Variants in SLC30A6 observed in about 807,000 individuals in gnomAD.
SLC30A6 encodes zinc transporter 6.
Under a neutral mutation model 63.0 loss-of-function variants are expected in SLC30A6, and 55 were observed. That is an observed-to-expected ratio of 0.87 (90% CI 0.70 to 1.09). SLC30A6 has a LOEUF of 1.09. Ranked by LOEUF, SLC30A6 falls within the 50% of genes least tolerant of loss-of-function variation. The pLI is 0.00. For missense variants in SLC30A6, 587 were observed against 549.2 expected, an observed-to-expected ratio of 1.07 and a Z score of -0.69; for synonymous variants, 224 against 186.1, an observed-to-expected ratio of 1.20 and a Z score of -1.66.
Position 32,171,291 on chromosome 2 carries a change from C to T in SLC30A6, c.8C>T (p.Thr3Ile). The change falls in exon 2 of 14, where the codon ACA becomes ATA. Residue 3 changes from threonine (T) to isoleucine (I), a missense_variant. Coordinates refer to ENST00000282587, the MANE Select transcript of SLC30A6 (RefSeq NM_017964.5). The stretch of plus-strand genomic sequence containing the variant: ...TTGTATATGTTTGTTTGAAAGGGGA[C>T]AATTCATCTCTTTCGAAAACCACAA... Reference protein sequence around the residue: MGTIHLFRKPQRS... With the variant: MGIIHLFRKPQRS... 1 of 1,612,972 alleles carries T rather than the reference C, an allele frequency of 6.2e-7. No individual in the cohort carries two copies. Among genetic ancestry groups the T allele is most frequent in the Non-Finnish European group, 8.5e-7 (1 of 1,179,248 alleles).
rs1449990367 is a variant in SLC30A6 at position 32,221,043 on chromosome 2, T to C, written c.*330T>C. On this transcript the variant is annotated 3_prime_UTR_variant, in exon 14 of 14. Coordinates refer to ENST00000282587, the MANE Select transcript of SLC30A6 (RefSeq NM_017964.5). Reference sequence around the variant, plus strand: ...CACTTGATGGAGTAGATCTGTCACATTACTAAGATACGATATTTCTTTTTT... The same window carrying C: ...CACTTGATGGAGTAGATCTGTCACACTACTAAGATACGATATTTCTTTTTT... 4.2e-6 allele frequency: 1 copy of C among 237,992 alleles called. No homozygotes were observed. Among genetic ancestry groups the C allele is most frequent in the Admixed American group, 5.1e-5 (1 of 19,768 alleles). 14.7% of individuals were successfully genotyped at this position (237,992 alleles called of 1,614,324 possible).
At chr2:32,211,164 C>G (rs1425750245) in intron 13 of SLC30A6, among the ~76,000 whole-genome samples, 1 of 152,244 alleles carries the variant, frequency 6.6e-6, no homozygotes, top group East Asian at 1.9e-4. Context: ...TGCTCCTCGA[C>G]TGTACACCAT....
At chr2:32,167,382 CTTT>C (rs11293465) in intron 1 of SLC30A6, among the ~76,000 whole-genome samples, 36 of 132,480 alleles carry the variant, frequency 2.7e-4, no homozygotes, top group Non-Finnish European at 2.6e-4. Context: ...GCCACAAACT[CTTT>C]TTTTTTTTTT....
At chr2:32,184,894 C>T (rs1003977471) in intron 5 of SLC30A6, among the ~76,000 whole-genome samples, 1 of 152,052 alleles carries the variant, frequency 6.6e-6, no homozygotes, top group East Asian at 1.9e-4. Flanking sequence ...ACGTTAAGTT[C>T]TTTAATATTT....
In SLC30A6 at chr2:32,220,549, C is replaced by T; in HGVS notation, c.1222C>T (p.Pro408Ser). Residue 408 changes from proline to serine, a missense_variant, in exon 14 of 14, where the codon CCT becomes TCT. Transcript: ENST00000282587. ...PVILLNTQTR[P>S]YGFGLNHGHT... is the part of the protein sequence containing the mutation. ...TATTCTTCTAAACACACAAACAAGG[C>T]CTTATGGTTTTGGTCTCAATCATGG... The T allele has an allele frequency of 6.2e-7, 1 of 1,614,160 alleles. No homozygotes were observed. The highest frequency in any genetic ancestry group is 8.5e-7 in the Non-Finnish European group (1 of 1,180,036).
chr2:32,206,821 A>G (rs1158462491), intron 11 of SLC30A6, 65 bp from the exon 12 acceptor site: 1 of 1,271,164 alleles, frequency 7.9e-7, no homozygotes, highest in South Asian at 1.2e-5. Context: ...GAGGGGGTTC[A>G]GGACCATTGT....
At chr2:32,217,112 G>C (rs907660446) in intron 13 of SLC30A6, among the ~76,000 whole-genome samples, 1 of 151,584 alleles carries the variant, frequency 6.6e-6, no homozygotes, top group Non-Finnish European at 1.5e-5. Flanking sequence ...TGGTCAGGCT[G>C]GTCTTGAACT....
At position 32,192,934 on chromosome 2, in the gene SLC30A6, G is replaced by T; in HGVS notation, c.382G>T (p.Glu128Ter). 2 of 1,521,064 alleles carry T rather than the reference G, an allele frequency of 1.3e-6. No individual in the cohort carries two copies. Among genetic ancestry groups the T allele is most frequent in the South Asian group, 2.6e-5 (2 of 77,452 alleles). The allele number at this position is 1,521,064 out of a possible 1,614,324, so 94.2% of individuals were successfully genotyped here. The change falls in exon 7 of 14, where the codon GAA becomes TAA. Residue 128 changes from glutamate (E) to a stop codon, truncating the protein, a stop_gained. Coordinates refer to ENST00000282587, the MANE Select transcript of SLC30A6 (RefSeq NM_017964.5). LOFTEE classifies it high-confidence loss of function. ...TTCTTATAGTGCAGAACGCTTTTTG[G>T]AACAGCCCGAGATACACACGTGAGA... ...ILKESAERFLEQPEIHTGRLL... is the reference protein window; with the variant it reads ...ILKESAERFL
intron 4 of SLC30A6, among the ~76,000 whole-genome samples, chr2:32,175,741 C>T (rs1044563959): frequency 2.0e-5 from 3 of 151,966 alleles, no homozygotes; most frequent in South Asian, 4.1e-4. Context: ...TTTGGGAGGC[C>T]GAGGCGGGTG....
chr2:32,171,953 C>T (rs1468178051), intron 2 of SLC30A6, among the ~76,000 whole-genome samples: 2 of 152,164 alleles, frequency 1.3e-5, no homozygotes, highest in African/African-American at 4.8e-5. Flanking sequence ...CTCGGCCTCC[C>T]AAAGTGCTGG....
chr2:32,197,457 A>G (rs1283004465), intron 9 of SLC30A6, 65 bp downstream of exon 9: 18 of 1,467,002 alleles, frequency 1.2e-5, no homozygotes, highest in Non-Finnish European at 1.6e-5. Context: ...TGCATCTATC[A>G]TGGGAACTTA....
At chr2:32,190,931 C>A (rs748013313) in intron 5 of SLC30A6, among the ~76,000 whole-genome samples, 22 of 152,210 alleles carry the variant, frequency 1.4e-4, no homozygotes, top group Middle Eastern at 3.4e-3. Context: ...CTCTTTACTG[C>A]TTTTATGTGC....
rs368116403 is a variant in SLC30A6 at position 32,184,781 on chromosome 2, G to A, written c.284+443G>A. Among the ~76,000 whole-genome samples, 86 of 151,884 alleles carry A rather than the reference G, an allele frequency of 5.7e-4. No homozygotes were observed. The East Asian group carries it at 0.012, about 22-fold the overall frequency. On this transcript the variant is annotated intron_variant, in intron 5 of 13. Coordinates refer to ENST00000282587, the MANE Select transcript of SLC30A6 (RefSeq NM_017964.5). ...CTCCTTCTCAAAAGAAAATAGAAAA[G>A]CATCTTCCAAGAAACATAAATATTT...
chr2:32,211,591 G>A (rs897144262), intron 13 of SLC30A6, among the ~76,000 whole-genome samples: 3 of 151,510 alleles, frequency 2.0e-5, no homozygotes, highest in Admixed American at 6.6e-5. Context: ...GTTATTTCAG[G>A]TATGCAGTGC....
At chr2:32,198,828 C>A (rs1486426509) in intron 10 of SLC30A6, among the ~76,000 whole-genome samples, 4 of 152,132 alleles carry the variant, frequency 2.6e-5, no homozygotes. Flanking sequence ...AGGTGATCCA[C>A]CTGCCTCGGT....
intron 5 of SLC30A6, among the ~76,000 whole-genome samples, chr2:32,190,687 G>A (rs1007816963): frequency 1.3e-4 from 19 of 151,982 alleles, no homozygotes; most frequent in Non-Finnish European, 1.8e-4. Flanking sequence ...CTGCAGTGGC[G>A]CAATTCGGCT....
intron 13 of SLC30A6, among the ~76,000 whole-genome samples, chr2:32,211,988 T>A (rs547522693): frequency 6.6e-6 from 1 of 152,316 alleles, no homozygotes; most frequent in African/African-American, 2.4e-5. Context: ...TATTTTGTAA[T>A]ATTTGTTCTA....
intron 1 of SLC30A6, 40 bp downstream of exon 1, chr2:32,165,943 A>T (rs1353527963): frequency 6.2e-7 from 1 of 1,613,972 alleles, no homozygotes; most frequent in South Asian, 1.1e-5. Flanking sequence ...GCTGTAGCTG[A>T]TTCGGTTTAT....
At position 32,178,243 on chromosome 2, in the gene SLC30A6, G is replaced by A. The variant is rs571226758; in HGVS notation, c.218+2882G>A. Among the ~76,000 whole-genome samples the A allele has an allele frequency of 5.3e-5, 8 of 151,920 alleles. No homozygotes were observed. In the East Asian group the frequency reaches 9.7e-4, roughly 18 times the overall value. On this transcript the variant is annotated intron_variant, in intron 4 of 13. Coordinates refer to ENST00000282587, the MANE Select transcript of SLC30A6 (RefSeq NM_017964.5). ...ATTACAGACGTGAGCCACCGCACCCGGCCAAGTTATTTTTTTTTAATGGTG... is the reference window on the plus strand; with the variant it reads ...ATTACAGACGTGAGCCACCGCACCCAGCCAAGTTATTTTTTTTTAATGGTG...
Sources: allele counts gnomAD v4.1 joint callset (sites outside exome capture counted in the v4.1 genomes callset), GRCh38; gene constraint gnomAD v4.1.1; transcripts MANE v1.5; gene names NCBI Gene and HGNC (gene_info 2026-07-23, HGNC 2026-07-21).